Variants in BRSK2 observed in about 807,000 individuals in gnomAD.
BRSK2 encodes serine/threonine-protein kinase BRSK2.
In BRSK2, 19 loss-of-function variants were observed where a neutral mutation model predicts 83.3. The observed-to-expected ratio is 0.23, with a 90% confidence interval of 0.16 to 0.33. The LOEUF (loss-of-function observed/expected upper bound fraction) is 0.33. Among genes scored for constraint, BRSK2 ranks in the 10% least tolerant of loss-of-function variants. The pLI is 1.00. For missense variants in BRSK2, 798 were observed against 1,042.3 expected, an observed-to-expected ratio of 0.77 and a Z score of 3.23; for synonymous variants, 519 against 435.4, an observed-to-expected ratio of 1.19 and a Z score of -2.39.
Position 1,454,475 on chromosome 11 carries a change from C to T in BRSK2, c.1545-10C>T, listed in dbSNP as rs768543463. On this transcript the variant is annotated splice_polypyrimidine_tract_variant and intron_variant, in intron 15 of 19. Transcript: ENST00000528841. The surrounding 1 kb of genome is among the most constrained non-coding windows in gnomAD (Gnocchi z 5.2). Reference sequence around the variant, plus strand: ...CTCAATCCTCACAGCCTCTGTCTCCCACTGCCCAGGCTGGCGAAGAAGTCC... The same window carrying T: ...CTCAATCCTCACAGCCTCTGTCTCCTACTGCCCAGGCTGGCGAAGAAGTCC... 1.7e-5 allele frequency: 28 copies of T among 1,612,698 alleles called. 1 individual carries two copies. Among genetic ancestry groups the T allele is most frequent in the Middle Eastern group, 3.3e-4 (2 of 6,080 alleles).
Position 1,438,474 on chromosome 11 carries a change from C to A in BRSK2, c.272+83C>A. The A allele has an allele frequency of 7.5e-7, 1 of 1,332,954 alleles. No homozygotes were observed. 82.6% of individuals were successfully genotyped at this position (1,332,954 alleles called of 1,614,324 possible). On this transcript the variant is annotated intron_variant, in intron 3 of 19. Transcript: ENST00000528841. The surrounding 1 kb of genome is among the most constrained non-coding windows in gnomAD (Gnocchi z 6.4). ...GGGTGGGTGTCTGGGGCTTGGGGAG[C>A]ACAGGGGCTGGAGGCCAGGGGCGCC...
At chr11:1,448,584 A>G (rs1852527729) in intron 12 of BRSK2, among the ~76,000 whole-genome samples, 1 of 151,900 alleles carries the variant, frequency 6.6e-6, no homozygotes, top group Non-Finnish European at 1.5e-5. Flanking sequence ...CCTCGTGCCC[A>G]GTCACGAGCT....
Position 1,390,658 on chromosome 11 carries a change from C to A in BRSK2, c.91+283C>A, listed in dbSNP as rs866232433. Among the ~76,000 whole-genome samples the A allele has an allele frequency of 2.7e-5, 4 of 148,560 alleles. No individual in the cohort carries two copies. In the East Asian group the frequency reaches 7.8e-4, roughly 29 times the overall value. Reference sequence around the variant, plus strand: ...GGCGCACGGGACGGCGCCCCTCGGGCCCCGCTGCAGGTGCGCGGCCCGGGC... The same window carrying A: ...GGCGCACGGGACGGCGCCCCTCGGGACCCGCTGCAGGTGCGCGGCCCGGGC... On this transcript the variant is annotated intron_variant, in intron 1 of 19. Transcript: ENST00000528841. This position sits in a 1 kb window ranked among gnomAD's most constrained non-coding sequence, Gnocchi z 6.8.
intron 12 of BRSK2, among the ~76,000 whole-genome samples, chr11:1,448,679 G>A (rs1852546880): frequency 6.6e-6 from 1 of 152,238 alleles, no homozygotes; most frequent in Non-Finnish European, 1.5e-5. Context: ...TCCCAGCTCA[G>A]CCCTGAAAGC....
chr11:1,449,003 C>T (rs1051968735), intron 12 of BRSK2, among the ~76,000 whole-genome samples: 15 of 152,236 alleles, frequency 9.9e-5, no homozygotes, highest in Admixed American at 7.2e-4. Context: ...CTGCCTCGGC[C>T]CCTCCCTGCA....
intron 18 of BRSK2, among the ~76,000 whole-genome samples, chr11:1,458,015 C>T (rs1279102251): frequency 2.6e-5 from 4 of 152,178 alleles, no homozygotes; most frequent in Non-Finnish European, 4.4e-5. Flanking sequence ...TGCCGTCGGC[C>T]GGCAGCAGCC....
intron 1 of BRSK2, among the ~76,000 whole-genome samples, chr11:1,425,132 C>T (rs983152764): frequency 4.6e-5 from 7 of 152,248 alleles, no homozygotes; most frequent in Non-Finnish European, 8.8e-5. Context: ...CATCGTCCTG[C>T]GCTGCGTGGC....
chr11:1,453,065 G>C (rs954003727), intron 15 of BRSK2, among the ~76,000 whole-genome samples: 11 of 152,328 alleles, frequency 7.2e-5, no homozygotes, highest in Admixed American at 4.6e-4. Context: ...CTCGAGGGGC[G>C]TTCTTTCCCC....
chr11:1,451,158 G>A (rs1485240868), intron 14 of BRSK2, among the ~76,000 whole-genome samples: 1 of 152,234 alleles, frequency 6.6e-6, no homozygotes, highest in Non-Finnish European at 1.5e-5. Flanking sequence ...TTCAGCACCA[G>A]AGGCGGGGAC....
At chr11:1,452,626 A>C (rs1255655182) in intron 15 of BRSK2, among the ~76,000 whole-genome samples, 1 of 150,186 alleles carries the variant, frequency 6.7e-6, no homozygotes. Context: ...AGGGCCCGGC[A>C]CAGACACCCC....
chr11:1,451,293 C>T lies in BRSK2; in HGVS notation c.1496-78C>T, dbSNP rs983753904. The T allele has an allele frequency of 7.7e-6, 12 of 1,558,190 alleles. 1 individual carries two copies. Among genetic ancestry groups the T allele is most frequent in the Middle Eastern group, 3.4e-4 (2 of 5,962 alleles). On this transcript the variant is annotated intron_variant, in intron 14 of 19. Coordinates refer to ENST00000528841, the MANE Select transcript of BRSK2 (RefSeq NM_001256627.2). Reference sequence around the variant, plus strand: ...TGGGTGGACTCCTGATGACCCTGACCTCGGCGCAAGGTGGCCAGGGCAGGG... The same window carrying T: ...TGGGTGGACTCCTGATGACCCTGACTTCGGCGCAAGGTGGCCAGGGCAGGG...
In BRSK2 at chr11:1,445,920, C is replaced by T. The variant is rs372694536; in HGVS notation, c.1226+13C>T. 2.6e-5 allele frequency: 41 copies of T among 1,595,014 alleles called. No individual in the cohort carries two copies. The highest frequency in any genetic ancestry group is 6.7e-5 in the East Asian group (3 of 44,480). The stretch of plus-strand genomic sequence containing the variant: ...AGCACGGCCAGAGGTGTGTGTGCCC[C>T]GAGGCTGCTGGGCCTCCCTCCCTGG... On this transcript the variant is annotated intron_variant, in intron 12 of 19. Transcript: ENST00000528841.
rs978186617 is a variant in BRSK2 at position 1,460,998 on chromosome 11, C to T, written c.*275C>T. 1.4e-5 allele frequency: 23 copies of T among 1,612,194 alleles called. No homozygotes were observed. Among genetic ancestry groups the T allele is most frequent in the Non-Finnish European group, 1.9e-5 (22 of 1,179,414 alleles). On this transcript the variant is annotated 3_prime_UTR_variant, in exon 20 of 20. Coordinates refer to ENST00000528841, the MANE Select transcript of BRSK2 (RefSeq NM_001256627.2). The stretch of plus-strand genomic sequence containing the variant: ...TTATCCCGAAAAGTTAACATGTCAC[C>T]TCCACGAGGCCATCCTCTGTGACCG...
rs116173474 is a variant in BRSK2 at position 1,436,639 on chromosome 11, G to C, written c.186+505G>C. Among the ~76,000 whole-genome samples, 690 of 152,218 alleles carry C rather than the reference G, an allele frequency of 4.5e-3. 12 individuals are homozygous for C. The highest frequency in any genetic ancestry group is 0.016 in the African/African-American group (656 of 41,548). On this transcript the variant is annotated intron_variant, in intron 2 of 19. Transcript: ENST00000528841. ...TTTCTGGGCTGTGACCCACCTCTCA[G>C]TGGGGAGGGGGCGGCCCCGGCTGCT...
intron 1 of BRSK2, among the ~76,000 whole-genome samples, chr11:1,400,753 C>G (rs770195397): frequency 1.6e-4 from 24 of 152,216 alleles, no homozygotes; most frequent in Non-Finnish European, 8.8e-5. Context: ...CCTGCCGGCT[C>G]TGCCTGGGCC....
At chr11:1,449,247 C>T (rs920809303) in intron 12 of BRSK2, among the ~76,000 whole-genome samples, 4 of 152,200 alleles carry the variant, frequency 2.6e-5, no homozygotes, top group African/African-American at 9.7e-5. Context: ...CAGCAGCTGC[C>T]CCAGCCTGGC....
At chr11:1,439,070 T>C (rs1054034144) in intron 3 of BRSK2, among the ~76,000 whole-genome samples, 16 of 152,168 alleles carry the variant, frequency 1.1e-4, no homozygotes, top group African/African-American at 3.9e-4. Flanking sequence ...GCCTTGAGCC[T>C]CATCTGACCC....
intron 18 of BRSK2, chr11:1,457,071 GGGGCGGGGAGGGGCTGC>G (rs1307383061): frequency 6.5e-7 from 1 of 1,536,272 alleles, no homozygotes; most frequent in East Asian, 2.4e-5. Context: ...GGCCTGTGCT[GGGGCGGGGAGGGGCTGC>G]GGGCAGGTCC....
intron 1 of BRSK2, among the ~76,000 whole-genome samples, chr11:1,433,759 A>G (rs1462282145): frequency 6.6e-6 from 1 of 152,186 alleles, no homozygotes; most frequent in African/African-American, 2.4e-5. Flanking sequence ...CTTGTGCTGG[A>G]TCAAAGGCCT....
Sources: allele counts gnomAD v4.1 joint callset (sites outside exome capture counted in the v4.1 genomes callset), GRCh38; gene constraint gnomAD v4.1.1; non-coding constraint Gnocchi (gnomAD v3.1); transcripts MANE v1.5; gene names NCBI Gene and HGNC (gene_info 2026-07-23, HGNC 2026-07-21).